The following TRIM34 variants were observed in gnomAD, a reference collection of about 807,000 sequenced individuals.
The protein encoded by TRIM34 is E3 ubiquitin-protein ligase TRIM34.
In TRIM34, 41 loss-of-function variants were observed where a neutral mutation model predicts 38.1. That is an observed-to-expected ratio of 1.08 (90% CI 0.84 to 1.40). The LOEUF (loss-of-function observed/expected upper bound fraction) is 1.40, where lower values mean the gene tolerates loss of function less well. Ranked by LOEUF, TRIM34 falls within the 40% of genes most tolerant of loss-of-function variation. TRIM34 has a pLI of 0.00. For missense variants in TRIM34, 556 were observed against 571.4 expected (o/e 0.97, Z 0.27); for synonymous variants, 200 against 202.5 (o/e 0.99, Z 0.10).
chr11:5,635,282 G>A (rs1481667367), intron 4 of TRIM34, among the ~76,000 whole-genome samples: 2 of 144,288 alleles, frequency 1.4e-5, no homozygotes, highest in South Asian at 4.4e-4. Flanking sequence ...TTGAGACGGA[G>A]TCTCGCTCTG....
Position 5,642,456 on chromosome 11 carries a change from A to C in TRIM34, c.824A>C (p.Lys275Thr). The change falls in exon 6 of 8, where the codon AAG (lysine) becomes ACG (threonine). Residue 275 changes from lysine to threonine, a missense_variant. Lys to Thr is a moderately conservative substitution (Grantham distance 78, BLOSUM62 -1). Transcript: ENST00000429814. Reference protein sequence around the residue: ...KKPKMVSKKLKTVFHAPDLSR... With the variant: ...KKPKMVSKKLTTVFHAPDLSR... ...CCAAAAATGGTTTCCAAGAAACTGA[A>C]GACTGTATTCCATGCTCCAGATCTG... The C allele has an allele frequency of 6.2e-7, 1 of 1,613,980 alleles. No homozygotes were observed. The highest frequency in any genetic ancestry group is 1.1e-5 in the South Asian group (1 of 91,056).
At chr11:5,624,289 G>A (rs1274793436), upstream of TRIM34, among the ~76,000 whole-genome samples, 1 of 152,144 alleles carries the variant, frequency 6.6e-6, no homozygotes, top group East Asian at 1.9e-4. Context: ...CATTTACTGT[G>A]CACAGTTTGA....
At chr11:5,635,513 T>C (rs6578669) in intron 4 of TRIM34, among the ~76,000 whole-genome samples, 134,859 of 152,168 alleles carry the variant, frequency 0.89, 59,829 homozygotes, top group East Asian at 1. Flanking sequence ...GCCTCGGCCT[T>C]CCAAAATGCT....
chr11:5,640,190 C>T (rs7104605), intron 4 of TRIM34, among the ~76,000 whole-genome samples: 43,243 of 151,990 alleles, frequency 0.28, 6,942 homozygotes, highest in East Asian at 0.62. Context: ...ACATCCTTGT[C>T]TTTTCTGATC....
At position 5,643,374 on chromosome 11, in the gene TRIM34, G is replaced by A. The variant is rs774414692; in HGVS notation, c.1132G>A (p.Val378Ile). ...ATATTCCCGCCATATGAAGTATGTT[G>A]TTAGAAGATGTGCAAATCGTCAAAA... The part of the protein sequence containing the change: ...RTYSRHMKYV[V>I]RRCANRQNLY... The change falls in exon 8 of 8, where the codon GTT (valine) becomes ATT (isoleucine). Residue 378 changes from valine to isoleucine, a missense_variant. Coordinates refer to ENST00000429814, the MANE Select transcript of TRIM34 (RefSeq NM_021616.6). The A allele has an allele frequency of 1.9e-6, 3 of 1,614,106 alleles. No individual in the cohort carries two copies. In the South Asian group the frequency reaches 3.3e-5, roughly 18 times the overall value.
intron 4 of TRIM34, among the ~76,000 whole-genome samples, chr11:5,635,204 T>C (rs1849679217): frequency 1.4e-5 from 2 of 143,950 alleles, no homozygotes; most frequent in Admixed American, 6.8e-5. Flanking sequence ...AGAAATGTGT[T>C]CTATTTAAGT....
rs927540880 is a variant in TRIM34, at chr11:5,634,807, G to C, written c.696G>C (p.Glu232Asp). 6.2e-7 allele frequency: 1 copy of C among 1,613,652 alleles called. No homozygotes were observed. The highest frequency in any genetic ancestry group is 8.5e-7 in the Non-Finnish European group (1 of 1,179,800). Residue 232 changes from glutamate to aspartate, a missense_variant, in exon 4 of 8, where the codon GAG (glutamate) becomes GAC (aspartate). Physicochemically the swap from Glu to Asp is conservative, Grantham distance 45. Coordinates refer to ENST00000429814, the MANE Select transcript of TRIM34 (RefSeq NM_021616.6). ...ELVQQKQLVRELISDVECRSQ... is the reference protein window; with the variant it reads ...ELVQQKQLVRDLISDVECRSQ... Reference sequence around the variant, plus strand: ...TTCAGCAGAAGCAGTTGGTGAGAGAGCTCATCTCAGATGTGGAGTGTCGGA... The same window carrying C: ...TTCAGCAGAAGCAGTTGGTGAGAGACCTCATCTCAGATGTGGAGTGTCGGA...
intron 4 of TRIM34, among the ~76,000 whole-genome samples, chr11:5,637,100 G>A (rs1849774396): frequency 6.6e-6 from 1 of 152,204 alleles, no homozygotes; most frequent in African/African-American, 2.4e-5. Flanking sequence ...GTGAACCCAG[G>A]AGGCGGAGCT....
At chr11:5,634,475 T>C (rs1415774742) in intron 3 of TRIM34, among the ~76,000 whole-genome samples, 156 bp from the exon 4 acceptor site, 1 of 146,270 alleles carries the variant, frequency 6.8e-6, no homozygotes, top group Non-Finnish European at 1.5e-5. Flanking sequence ...CAAATATATA[T>C]ATACAGATAA....
At position 5,628,814 on chromosome 11, in the gene TRIM34, T is replaced by G. The variant is rs1849356919; in HGVS notation, c.-77-3441T>G. On this transcript the variant is annotated intron_variant, in intron 1 of 7. Transcript: ENST00000429814. ...AGATGGCGGCAAAGTTGATTTTTTT[T>G]TTTCAGAAGGCTCTATGTGAAAATC... Among the ~76,000 whole-genome samples the G allele has an allele frequency of 2.0e-5, 3 of 151,806 alleles. No homozygotes were observed. The South Asian group carries it at 6.2e-4, about 32-fold the overall frequency.
Position 5,632,505 on chromosome 11 carries a change from G to C in TRIM34, c.174G>C (p.Val58=). 1 of 1,614,030 alleles carries C rather than the reference G, an allele frequency of 6.2e-7. No individual in the cohort carries two copies. Among genetic ancestry groups the C allele is most frequent in the Non-Finnish European group, 8.5e-7 (1 of 1,180,022 alleles). ...TSMGGKSSCP[V]CGISYSFEHL... ...TGGGAGGAAAAAGCAGCTGTCCTGT[G>C]TGTGGTATCAGTTACTCATTTGAAC... Residue 58 remains valine (V), a synonymous_variant, in exon 2 of 8, where the codon GTG becomes GTC. Coordinates refer to ENST00000429814, the MANE Select transcript of TRIM34 (RefSeq NM_021616.6).
At position 5,632,368 on chromosome 11, in the gene TRIM34, G is replaced by A; in HGVS notation, c.37G>A (p.Val13Met). The change falls in exon 2 of 8, where the codon GTG becomes ATG. Residue 13 changes from valine to methionine, a missense_variant. Transcript: ENST00000429814. ...SKILLNVQEE[V>M]TCPICLELLT... ...AATCTTGCTTAACGTACAAGAGGAG[G>A]TGACCTGTCCCATCTGCCTGGAGCT... The A allele has an allele frequency of 6.2e-7, 1 of 1,614,084 alleles. No homozygotes were observed. The highest frequency in any genetic ancestry group is 1.3e-5 in the African/African-American group (1 of 75,028).
In TRIM34 at chr11:5,631,970, T is replaced by G. The variant is rs538725260; in HGVS notation, c.-77-285T>G. On this transcript the variant is annotated intron_variant, in intron 1 of 7. Coordinates refer to ENST00000429814, the MANE Select transcript of TRIM34 (RefSeq NM_021616.6). ...GGTTGTGCTGTACTTAAGTTTGTCT[T>G]AGCAGCCCTTCTGATGAAGGGACAT... Among the ~76,000 whole-genome samples, 6 of 152,320 alleles carry G rather than the reference T, an allele frequency of 3.9e-5. No individual in the cohort carries two copies. The South Asian group carries it at 1.2e-3, about 32-fold the overall frequency.
chr11:5,641,240 G>A, intron 5 of TRIM34, 51 bp downstream of exon 5: 5 of 1,612,872 alleles, frequency 3.1e-6, no homozygotes, highest in Non-Finnish European at 4.2e-6. Context: ...AGAAGTGTTT[G>A]TAGCTATTAG....
intron 4 of TRIM34, among the ~76,000 whole-genome samples, chr11:5,640,317 CTGTTT>C (rs767312748): frequency 1.3e-5 from 2 of 151,170 alleles, no homozygotes; most frequent in East Asian, 1.9e-4. Flanking sequence ...GTTACCATTC[CTGTTT>C]TGTTTTGTTT....
chr11:5,633,661 C>T, intron 2 of TRIM34, 143 bp from the exon 3 acceptor site: 1 of 720,972 alleles, frequency 1.4e-6, no homozygotes, highest in Non-Finnish European at 2.2e-6. Flanking sequence ...AAATTTTCCC[C>T]ATGTCATAGA....
upstream of TRIM34, among the ~76,000 whole-genome samples, chr11:5,622,171 C>T (rs902184634): frequency 5.9e-5 from 9 of 152,084 alleles, no homozygotes; most frequent in African/African-American, 2.2e-4. Context: ...CTCAGCTGGG[C>T]GCGGTGGCTC....
chr11:5,627,006 G>A (rs762781172), intron 1 of TRIM34, among the ~76,000 whole-genome samples: 34 of 152,156 alleles, frequency 2.2e-4, no homozygotes, highest in Non-Finnish European at 4.3e-4. Context: ...TTGAACAGGA[G>A]AGTGACATGA....
chr11:5,636,456 C>T lies in TRIM34; in HGVS notation c.750+1595C>T, dbSNP rs1175639104. Among the ~76,000 whole-genome samples the T allele has an allele frequency of 3.3e-5, 5 of 152,178 alleles. No individual in the cohort carries two copies. The East Asian group carries it at 9.6e-4, about 29-fold the overall frequency. ...TTACTGTGCAATGACGGTTGCACTA[C>T]ATCGTGAATATTTTAAAGCCTGTTA... On this transcript the variant is annotated intron_variant, in intron 4 of 7. Transcript: ENST00000429814.
Sources: gnomAD v4.1 joint callset for allele counts (sites outside exome capture counted in the v4.1 genomes callset) on GRCh38, gnomAD v4.1.1 for gene constraint, MANE v1.5 for transcripts, NCBI Gene and HGNC (gene_info 2026-07-23, HGNC 2026-07-21) for gene names.